Variants in UCK2 observed in about 807,000 individuals in gnomAD.
UCK2 encodes uridine-cytidine kinase 2.
In UCK2, 6 loss-of-function variants were observed where a neutral mutation model predicts 30.8. The observed-to-expected ratio is 0.19, with a 90% confidence interval of 0.11 to 0.38. The LOEUF is 0.38. Ranked by LOEUF, UCK2 falls within the 10% of genes least tolerant of loss-of-function variation. UCK2 has a pLI of 1.00. For synonymous variants in UCK2, 125 were observed against 133.6 expected, an observed-to-expected ratio of 0.94 and a Z score of 0.45; for missense variants, 210 against 339.8, an observed-to-expected ratio of 0.62 and a Z score of 3.00.
intron 1 of UCK2, among the ~76,000 whole-genome samples, chr1:165,851,147 C>T (rs1557835486): frequency 1.3e-5 from 2 of 152,258 alleles, no homozygotes; most frequent in East Asian, 3.9e-4. Context: ...CCTGTTATCT[C>T]TGTCTTGTCT....
chr1:165,882,480 G>A (rs1319275115), intron 1 of UCK2, among the ~76,000 whole-genome samples: 2 of 152,168 alleles, frequency 1.3e-5, no homozygotes, highest in Non-Finnish European at 2.9e-5. Flanking sequence ...TTGTGCTGCT[G>A]TAACAAAATA....
chr1:165,897,574 AG>A (rs948418207), intron 4 of UCK2, among the ~76,000 whole-genome samples: 10 of 152,336 alleles, frequency 6.6e-5, no homozygotes, highest in Admixed American at 5.9e-4. Context: ...TCCTAGTCAC[AG>A]GACACATTAT....
At chr1:165,889,422 C>T (rs1655704808) in intron 1 of UCK2, among the ~76,000 whole-genome samples, 1 of 152,244 alleles carries the variant, frequency 6.6e-6, no homozygotes, top group South Asian at 2.1e-4. Flanking sequence ...AGCACATCAT[C>T]ACCATGCCTT....
At chr1:165,859,443 C>G (rs570380836) in intron 1 of UCK2, among the ~76,000 whole-genome samples, 4 of 152,284 alleles carry the variant, frequency 2.6e-5, no homozygotes, top group African/African-American at 9.6e-5. Flanking sequence ...TGTATTCCAG[C>G]TCTCAGTGAA....
chr1:165,859,001 ATCT>A (rs1654822257), intron 1 of UCK2, among the ~76,000 whole-genome samples: 2 of 152,182 alleles, frequency 1.3e-5, no homozygotes, highest in Non-Finnish European at 2.9e-5. Context: ...TGCTGGATAA[ATCT>A]TCTGCTGGGA....
chr1:165,871,740 A>T (rs552468486), intron 1 of UCK2, among the ~76,000 whole-genome samples: 1 of 152,246 alleles, frequency 6.6e-6, no homozygotes, highest in East Asian at 1.9e-4. Flanking sequence ...AAAAAAAAAA[A>T]TCTTTGGTTG....
chr1:165,873,359 C>T (rs1655250902), intron 1 of UCK2, among the ~76,000 whole-genome samples: 1 of 152,184 alleles, frequency 6.6e-6, no homozygotes, highest in Non-Finnish European at 1.5e-5. Flanking sequence ...ACACAAGCTA[C>T]CATGCATGCA....
intron 1 of UCK2, among the ~76,000 whole-genome samples, chr1:165,842,692 T>C (rs1654359659): frequency 6.6e-6 from 1 of 152,208 alleles, no homozygotes; most frequent in African/African-American, 2.4e-5. Context: ...CCAAAACATT[T>C]TCCACATTGC....
chr1:165,848,964 A>G (rs916811299), intron 1 of UCK2, among the ~76,000 whole-genome samples: 1 of 152,062 alleles, frequency 6.6e-6, no homozygotes, highest in African/African-American at 2.4e-5. Context: ...TATGAAAAGT[A>G]AGAATGATGG....
chr1:165,876,182 G>A (rs955281788), intron 1 of UCK2, among the ~76,000 whole-genome samples: 1 of 152,158 alleles, frequency 6.6e-6, no homozygotes, highest in South Asian at 2.1e-4. Flanking sequence ...TTGCCCAGAA[G>A]TTTATTGGGC....
intron 3 of UCK2, chr1:165,891,663 G>T: frequency 4.3e-6 from 1 of 234,892 alleles, no homozygotes; most frequent in Non-Finnish European, 8.3e-6. Context: ...GGGAGGGGTA[G>T]AGGAAGGGCA....
At chr1:165,848,831 A>AAGG (rs1654521541) in intron 1 of UCK2, among the ~76,000 whole-genome samples, 1 of 152,192 alleles carries the variant, frequency 6.6e-6, no homozygotes, top group Non-Finnish European at 1.5e-5. Flanking sequence ...GTTTCTACCC[A>AAGG]TAGAAATAAG....
chr1:165,830,615 A>G (rs12079614), intron 1 of UCK2, among the ~76,000 whole-genome samples: 88,158 of 151,980 alleles, frequency 0.58, 26,560 homozygotes, highest in East Asian at 0.96. Flanking sequence ...GTGCGCCACC[A>G]CGCCGGCAAT....
At chr1:165,871,414 C>T (rs1235280682) in intron 1 of UCK2, among the ~76,000 whole-genome samples, 1 of 152,202 alleles carries the variant, frequency 6.6e-6, no homozygotes, top group East Asian at 1.9e-4. Context: ...GGGTTGAAAG[C>T]AGGTCCTGTG....
At chr1:165,899,900 G>T (rs1022471748) in intron 4 of UCK2, among the ~76,000 whole-genome samples, 1 of 152,194 alleles carries the variant, frequency 6.6e-6, no homozygotes, top group Non-Finnish European at 1.5e-5. Flanking sequence ...GGTTCTTGGG[G>T]AGCAGAGGTG....
chr1:165,879,021 G>A (rs1655409237), intron 1 of UCK2, among the ~76,000 whole-genome samples: 1 of 152,214 alleles, frequency 6.6e-6, no homozygotes, highest in African/African-American at 2.4e-5. Flanking sequence ...TAATAGGTAT[G>A]TAGTGGTACC....
chr1:165,897,154 G>A lies in UCK2; in HGVS notation c.499+822G>A, dbSNP rs1440754583. On this transcript the variant is annotated intron_variant, in intron 4 of 6. Transcript: ENST00000367879. ...ACCTGGAGTGTACAGAGGGTTGTACGAAGAGACACTACAAAGTAGGTTGGG... is the reference window on the plus strand; with the variant it reads ...ACCTGGAGTGTACAGAGGGTTGTACAAAGAGACACTACAAAGTAGGTTGGG... Among the ~76,000 whole-genome samples, 4 of 152,194 alleles carry A rather than the reference G, an allele frequency of 2.6e-5. No individual in the cohort carries two copies. The East Asian group carries it at 5.8e-4, about 22-fold the overall frequency.
At chr1:165,906,519 A>G (rs1647666165) in intron 6 of UCK2, among the ~76,000 whole-genome samples, 1 of 152,160 alleles carries the variant, frequency 6.6e-6, no homozygotes, top group Non-Finnish European at 1.5e-5. Context: ...GGCTTGCACC[A>G]CCACGGTCCA....
chr1:165,870,948 G>A (rs560468004), intron 1 of UCK2, among the ~76,000 whole-genome samples: 17 of 152,298 alleles, frequency 1.1e-4, no homozygotes, highest in Non-Finnish European at 2.2e-4. Context: ...CTCCCAAGTA[G>A]CTGGGATTAC....
Sources: gnomAD v4.1 joint callset for allele counts (sites outside exome capture counted in the v4.1 genomes callset) on GRCh38, gnomAD v4.1.1 for gene constraint, MANE v1.5 for transcripts, NCBI Gene and HGNC (gene_info 2026-07-23, HGNC 2026-07-21) for gene names.